Variants in IQSEC1 observed in about 807,000 individuals in gnomAD.
The protein encoded by IQSEC1 is IQ motif and SEC7 domain-containing protein 1.
In IQSEC1, 31 loss-of-function variants were observed where a neutral mutation model predicts 91.0. The observed-to-expected ratio is 0.34, with a 90% CI of 0.26 to 0.46. IQSEC1 has a LOEUF of 0.46. IQSEC1 is among the 20% of genes least tolerant of loss of function. The probability of loss-of-function intolerance (pLI) is 1.00; values close to 1 mark genes in which losing one functional copy is unlikely to be tolerated. For synonymous variants in IQSEC1, 699 were observed against 662.6 expected (o/e 1.05, Z -0.84); for missense variants, 1,388 against 1,575.6 (o/e 0.88, Z 2.02).
At chr3:13,063,535 G>T (rs1705139738) in intron 1 of IQSEC1, among the ~76,000 whole-genome samples, 1 of 152,238 alleles carries the variant, frequency 6.6e-6, no homozygotes, top group Admixed American at 6.5e-5. Context: ...TGCAAGCCCA[G>T]GGGAGCAGGA....
chr3:13,012,167 G>T (rs1391823630), intron 1 of IQSEC1, among the ~76,000 whole-genome samples: 1 of 152,100 alleles, frequency 6.6e-6, no homozygotes, highest in African/African-American at 2.4e-5. Context: ...AGGCTTACTT[G>T]CCTGCACCCC....
intron 1 of IQSEC1, among the ~76,000 whole-genome samples, chr3:13,210,334 C>T (rs937150497): frequency 2.0e-5 from 3 of 152,126 alleles, no homozygotes; most frequent in Non-Finnish European, 4.4e-5. Flanking sequence ...GGCTCCAGTT[C>T]GGCTTCTCAT....
intron 1 of IQSEC1, among the ~76,000 whole-genome samples, chr3:13,175,918 A>G (rs1173267722): frequency 2.6e-5 from 4 of 152,154 alleles, no homozygotes; most frequent in African/African-American, 4.8e-5. Flanking sequence ...CAAACTTCCT[A>G]CCACCATCAC....
At chr3:13,162,069 G>C (rs1014447578) in intron 2 of IQSEC1, among the ~76,000 whole-genome samples, 2 of 150,750 alleles carry the variant, frequency 1.3e-5, no homozygotes, top group African/African-American at 5.0e-5. Context: ...ACACCAGGCC[G>C]GGTGGGGCTG....
chr3:12,946,393 C>G (rs1699184294), intron 1 of IQSEC1, among the ~76,000 whole-genome samples: 1 of 152,246 alleles, frequency 6.6e-6, no homozygotes, highest in Non-Finnish European at 1.5e-5. Flanking sequence ...CGAGGCACCT[C>G]TTCCAAGTCC....
rs1417472645 is a variant in IQSEC1, at chr3:13,248,874, TTGAG to T, written c.272+33833_272+33836del. Among the ~76,000 whole-genome samples, 6 of 92,882 alleles carry T rather than the reference TTGAG, an allele frequency of 6.5e-5. No individual in the cohort carries two copies. The South Asian group carries it at 1.6e-3, about 25-fold the overall frequency. 60.9% of individuals were successfully genotyped at this position (92,882 alleles called of 152,430 possible). Reference sequence around the variant, plus strand: ...GAGGTCACACAGCTGCACAGAGAGATTGAGTAACTTGCCCGAGGTCACGTAGCTG... The same window carrying T: ...GAGGTCACACAGCTGCACAGAGAGATTAACTTGCCCGAGGTCACGTAGCTG... On this transcript the variant is annotated intron_variant, in intron 1 of 15. Transcript: ENST00000648114.
chr3:13,069,112 C>T lies in IQSEC1; in HGVS notation c.23+3880G>A, dbSNP rs77028013. The stretch of plus-strand genomic sequence containing the variant: ...GGCTGTAAAGGGTGGATAGATGCTA[C>T]AGCATTCTTGGAAAATAGCCCAGTG... On this transcript the variant is annotated intron_variant, in intron 1 of 13. Coordinates refer to ENST00000613206, the MANE Select transcript of IQSEC1 (RefSeq NM_001134382.3). Among the ~76,000 whole-genome samples, 999 of 152,378 alleles carry T rather than the reference C, an allele frequency of 6.6e-3. 62 individuals carry two copies. The East Asian group carries it at 0.14, about 22-fold the overall frequency.
chr3:13,012,058 A>G (rs748989163), intron 1 of IQSEC1, among the ~76,000 whole-genome samples: 1 of 152,202 alleles, frequency 6.6e-6, no homozygotes, highest in Non-Finnish European at 1.5e-5. Context: ...GAATGAGGCA[A>G]CATATGGAGG....
intron 1 of IQSEC1, among the ~76,000 whole-genome samples, chr3:13,185,589 T>C (rs945192736): frequency 6.6e-6 from 1 of 152,120 alleles, no homozygotes; most frequent in Non-Finnish European, 1.5e-5. Context: ...CAGGCATCAT[T>C]AACTATGGCA....
chr3:12,946,731 C>T (rs1388460077), intron 1 of IQSEC1, among the ~76,000 whole-genome samples: 1 of 152,160 alleles, frequency 6.6e-6, no homozygotes, highest in Non-Finnish European at 1.5e-5. Flanking sequence ...GAGCTGATGT[C>T]ATGATGTGGC....
At position 12,983,109 on chromosome 3, in the gene IQSEC1, G is replaced by A. The variant is rs1701549488; in HGVS notation, c.24-41244C>T. Among the ~76,000 whole-genome samples, 1 of 152,158 alleles carries A rather than the reference G, an allele frequency of 6.6e-6. No individual in the cohort carries two copies. Among genetic ancestry groups the A allele is most frequent in the Non-Finnish European group, 1.5e-5 (1 of 68,020 alleles). On this transcript the variant is annotated intron_variant, in intron 1 of 13. Coordinates refer to ENST00000613206, the MANE Select transcript of IQSEC1 (RefSeq NM_001134382.3). The surrounding 1 kb of genome is among the most constrained non-coding windows in gnomAD (Gnocchi z 4.3). ...GGGCCTTCCCCACTGTAACTCACTT[G>A]CACCTGCCCCTCCTATGAGACAGGG...
At chr3:13,053,973 T>A (rs1704787185) in intron 1 of IQSEC1, among the ~76,000 whole-genome samples, 1 of 152,210 alleles carries the variant, frequency 6.6e-6, no homozygotes, top group South Asian at 2.1e-4. Flanking sequence ...GGTGTAGATG[T>A]GTTTTAGTTA....
At chr3:12,931,955 G>A (rs1697714663) in intron 3 of IQSEC1, among the ~76,000 whole-genome samples, 3 of 152,230 alleles carry the variant, frequency 2.0e-5, no homozygotes. Context: ...GTTTCTCAGA[G>A]ACAAGCTTCT....
chr3:13,151,365 G>A (rs1027179203), intron 2 of IQSEC1, among the ~76,000 whole-genome samples: 4 of 152,194 alleles, frequency 2.6e-5, no homozygotes, highest in Non-Finnish European at 4.4e-5. Flanking sequence ...GCTGGTCCCT[G>A]AGTGATTCAT....
intron 1 of IQSEC1, among the ~76,000 whole-genome samples, chr3:12,945,359 G>C (rs1699110613): frequency 6.6e-6 from 1 of 152,002 alleles, no homozygotes; most frequent in South Asian, 2.1e-4. Context: ...TCCAGGAAGG[G>C]AAGGCCTGAC....
At chr3:13,221,133 G>A (rs551412855) in intron 1 of IQSEC1, among the ~76,000 whole-genome samples, 2 of 152,304 alleles carry the variant, frequency 1.3e-5, no homozygotes, top group South Asian at 4.2e-4. Flanking sequence ...GCAAGGCCTG[G>A]AGCCAGGAGG....
At chr3:12,946,587 T>A in intron 1 of IQSEC1, among the ~76,000 whole-genome samples, 1 of 152,158 alleles carries the variant, frequency 6.6e-6, no homozygotes, top group East Asian at 1.9e-4. Context: ...TAAATGAGCA[T>A]CGACAAGGGG....
At chr3:13,108,032 AG>A (rs1210771466) in intron 2 of IQSEC1, among the ~76,000 whole-genome samples, 5 of 54,642 alleles carry the variant, frequency 9.2e-5, no homozygotes, top group Admixed American at 4.6e-4. Flanking sequence ...ATTATAAAAA[AG>A]CATAAAGGAA....
chr3:13,220,047 G>A (rs1576299603), intron 1 of IQSEC1, among the ~76,000 whole-genome samples: 1 of 152,326 alleles, frequency 6.6e-6, no homozygotes, highest in East Asian at 1.9e-4. Flanking sequence ...CCTGTGCTCA[G>A]GCTGCCACCA....
Sources: allele counts gnomAD v4.1 joint callset (sites outside exome capture counted in the v4.1 genomes callset), GRCh38; gene constraint gnomAD v4.1.1; non-coding constraint Gnocchi (gnomAD v3.1); transcripts MANE v1.5; gene names NCBI Gene and HGNC (gene_info 2026-07-23, HGNC 2026-07-21).